SCAF8: variants seen among roughly 807,000 people sequenced by gnomAD.
SCAF8 encodes the protein SR-related and CTD-associated factor 8.
A neutral mutation model predicts 140.5 loss-of-function variants in SCAF8; 23 were observed. That is an observed-to-expected ratio of 0.16 (90% CI 0.12 to 0.23). The LOEUF (loss-of-function observed/expected upper bound fraction) is 0.23. Ranked by LOEUF, SCAF8 falls within the 10% of genes least tolerant of loss-of-function variation. The pLI is 1.00. For synonymous variants in SCAF8, 575 were observed against 528.9 expected (o/e 1.09, Z -1.20); for missense variants, 1,397 against 1,555.7 (o/e 0.90, Z 1.72).
At chr6:154,760,746 A>T (rs1239741457) in intron 1 of SCAF8, among the ~76,000 whole-genome samples, 1 of 152,084 alleles carries the variant, frequency 6.6e-6, no homozygotes, top group East Asian at 1.9e-4. Context: ...TTTCATATTA[A>T]AATATTTTAT....
At position 154,832,019 on chromosome 6, in the gene SCAF8, G is replaced by C; in HGVS notation, c.2440G>C (p.Gly814Arg). ...PNVTSNSGIL[G>R]VQRPNVSSNS... ...TGTGACAAGCAATTCTGGAATTCTG[G>C]GAGTCCAAAGACCAAATGTATCAAG... The change falls in exon 20 of 20, where the codon GGA becomes CGA. Residue 814 changes from glycine (G) to arginine (R), a missense_variant. By Grantham distance (125) the Gly-to-Arg change is moderately radical. This residue lies in a region of SCAF8 where 930 missense variants were observed against 874.6 expected (regional missense o/e 1.06). Coordinates refer to ENST00000367178, the MANE Select transcript of SCAF8 (RefSeq NM_014892.5). 1 of 1,613,708 alleles carries C rather than the reference G, an allele frequency of 6.2e-7. No individual in the cohort carries two copies. The highest frequency in any genetic ancestry group is 8.5e-7 in the Non-Finnish European group (1 of 1,179,846).
At position 154,786,113 on chromosome 6, in the gene SCAF8, A is replaced by G. The variant is rs1342364319; in HGVS notation, c.160-1748A>G. On this transcript the variant is annotated intron_variant, in intron 3 of 19. Transcript: ENST00000367178. ...CGGCTGTGCAGGAGACTGGAGTTTTATTATTACTCAAATCAGTCTCCAAGA... is the reference window on the plus strand; with the variant it reads ...CGGCTGTGCAGGAGACTGGAGTTTTGTTATTACTCAAATCAGTCTCCAAGA... 5.9e-5 allele frequency among the ~76,000 whole-genome samples: 9 copies of G among 152,220 alleles called. 1 individual carries two copies. The highest frequency in any genetic ancestry group is 5.9e-4 in the Admixed American group (9 of 15,290).
intron 1 of SCAF8, among the ~76,000 whole-genome samples, chr6:154,749,814 A>C (rs545401714): frequency 1.3e-5 from 2 of 152,272 alleles, no homozygotes; most frequent in South Asian, 4.1e-4. Flanking sequence ...ACAAGTTTTA[A>C]ATTTGTTTTA....
chr6:154,824,704 A>C (rs1778513334), intron 17 of SCAF8, among the ~76,000 whole-genome samples: 2 of 152,174 alleles, frequency 1.3e-5, no homozygotes, highest in African/African-American at 4.8e-5. Flanking sequence ...GCACTTAGGG[A>C]GGCCAAGGTG....
At chr6:154,792,726 T>C in intron 4 of SCAF8, 97 bp from the exon 5 acceptor site, 1 of 787,792 alleles carries the variant, frequency 1.3e-6, no homozygotes, top group Non-Finnish European at 1.9e-6. Context: ...TATTTTAATT[T>C]CTCCTTTCCA....
intron 1 of SCAF8, among the ~76,000 whole-genome samples, chr6:154,747,904 G>A (rs1033063520): frequency 7.3e-6 from 1 of 137,728 alleles, no homozygotes; most frequent in African/African-American, 3.2e-5. Context: ...TTCTGTGTGT[G>A]TGTGTGTGTG....
At position 154,833,417 on chromosome 6, in the gene SCAF8, A is replaced by G. The variant is rs1263792688; in HGVS notation, c.*22A>G. The G allele has an allele frequency of 1.9e-6, 3 of 1,596,348 alleles. No homozygotes were observed. The highest frequency in any genetic ancestry group is 2.6e-6 in the Non-Finnish European group (3 of 1,172,996). ...ATAATCATCACTCAGTAGGTAAAAG[A>G]TACCTTTTGTAAAGTTGTCATCTCT... On this transcript the variant is annotated 3_prime_UTR_variant, in exon 20 of 20. Transcript: ENST00000367178.
intron 1 of SCAF8, among the ~76,000 whole-genome samples, chr6:154,759,628 G>A (rs1174382664): frequency 2.6e-5 from 4 of 151,304 alleles, no homozygotes; most frequent in Non-Finnish European, 4.4e-5. Flanking sequence ...ATACTAATAT[G>A]ACATCTGGAT....
chr6:154,750,956 C>T (rs1408752282), intron 1 of SCAF8, among the ~76,000 whole-genome samples: 1 of 152,024 alleles, frequency 6.6e-6, no homozygotes, highest in African/African-American at 2.4e-5. Flanking sequence ...TTGATGTTTA[C>T]AAAAGACATG....
chr6:154,745,378 A>AT (rs912525928), intron 1 of SCAF8, among the ~76,000 whole-genome samples: 24 of 151,600 alleles, frequency 1.6e-4, no homozygotes, highest in Middle Eastern at 6.8e-3. Flanking sequence ...TTTGTTTATT[A>AT]TTTTTTTTTA....
At chr6:154,804,562 T>C (rs1158836454) in intron 8 of SCAF8, among the ~76,000 whole-genome samples, 1 of 152,208 alleles carries the variant, frequency 6.6e-6, no homozygotes, top group Non-Finnish European at 1.5e-5. Flanking sequence ...TTATTTTCTA[T>C]TAATATACAC....
chr6:154,739,600 G>C (rs1049331800), intron 1 of SCAF8, among the ~76,000 whole-genome samples: 2 of 152,092 alleles, frequency 1.3e-5, no homozygotes, highest in African/African-American at 4.8e-5. Context: ...AAATTGAGAG[G>C]ATTCTGTTAC....
At chr6:154,793,414 A>G (rs1443194794) in intron 5 of SCAF8, among the ~76,000 whole-genome samples, 1 of 151,946 alleles carries the variant, frequency 6.6e-6, no homozygotes, top group Admixed American at 6.6e-5. Context: ...AAAAATTTTT[A>G]TCAAAGTAAT....
intron 1 of SCAF8, among the ~76,000 whole-genome samples, chr6:154,750,921 T>A (rs1778821939): frequency 6.6e-6 from 1 of 152,182 alleles, no homozygotes; most frequent in South Asian, 2.1e-4. Context: ...AATAGTACTA[T>A]ATTAAAAGGT....
At chr6:154,771,637 C>G (rs1227316963) in intron 1 of SCAF8, among the ~76,000 whole-genome samples, 1 of 152,042 alleles carries the variant, frequency 6.6e-6, no homozygotes, top group East Asian at 1.9e-4. Context: ...TGAATTAATG[C>G]AGGAACAGAA....
At chr6:154,798,693 A>C (rs1039829651) in intron 6 of SCAF8, among the ~76,000 whole-genome samples, 7 of 151,406 alleles carry the variant, frequency 4.6e-5, no homozygotes, top group Non-Finnish European at 8.9e-5. Context: ...GTCTGTTCTC[A>C]ATACTTCAGG....
chr6:154,790,547 G>T (rs1777387873), intron 4 of SCAF8, among the ~76,000 whole-genome samples: 2 of 108,518 alleles, frequency 1.8e-5, no homozygotes, highest in Non-Finnish European at 3.5e-5. Context: ...GTCTCGCTCT[G>T]TTGCCCAGGC....
At chr6:154,748,683 T>G (rs1454534226) in intron 1 of SCAF8, among the ~76,000 whole-genome samples, 1 of 152,216 alleles carries the variant, frequency 6.6e-6, no homozygotes, top group East Asian at 1.9e-4. Flanking sequence ...CTTATTCTCA[T>G]TTTATGAGAT....
intron 1 of SCAF8, among the ~76,000 whole-genome samples, chr6:154,754,198 C>T (rs1335163096): frequency 6.6e-6 from 1 of 152,210 alleles, no homozygotes; most frequent in African/African-American, 2.4e-5. Context: ...TTAGCTGTTA[C>T]TTGATCATGC....
Sources: gnomAD v4.1 joint callset for allele counts (sites outside exome capture counted in the v4.1 genomes callset) on GRCh38, gnomAD v4.1.1 for gene constraint, gnomAD v4.1.1 regional missense constraint, MANE v1.5 for transcripts, NCBI Gene and HGNC (gene_info 2026-07-23, HGNC 2026-07-21) for gene names.